The following CTNNA3 variants were observed in gnomAD, a reference collection of about 807,000 sequenced individuals.
CTNNA3 encodes the protein catenin alpha 3, also known as catenin alpha-3.
CTNNA3 carries 76 observed loss-of-function variants against 95.7 expected under a neutral mutation model. The ratio of observed to expected loss-of-function variants is 0.79; its 90% CI spans 0.66 to 0.96. CTNNA3 has a LOEUF of 0.96. CTNNA3 is among the 40% of genes least tolerant of loss of function. The probability of loss-of-function intolerance (pLI) is 0.00; values close to 1 mark genes in which losing one functional copy is unlikely to be tolerated. For missense variants in CTNNA3, 1,191 were observed against 1,089.8 expected (o/e 1.09, Z -1.31); for synonymous variants, 431 against 374.4 (o/e 1.15, Z -1.74).
At chr10:66,352,835 T>C (rs568187746) in intron 12 of CTNNA3, among the ~76,000 whole-genome samples, 2 of 152,204 alleles carry the variant, frequency 1.3e-5, no homozygotes, top group East Asian at 1.9e-4. Context: ...GGCAAAACTA[T>C]TTTTAAAAGA....
intron 3 of CTNNA3, among the ~76,000 whole-genome samples, chr10:67,562,166 G>A (rs1841538754): frequency 6.6e-6 from 1 of 152,152 alleles, no homozygotes; most frequent in Non-Finnish European, 1.5e-5. Context: ...TGATACCAGA[G>A]CCGGGCAGAG....
intron 5 of CTNNA3, among the ~76,000 whole-genome samples, chr10:67,495,464 G>C (rs1484607134): frequency 6.6e-6 from 1 of 152,174 alleles, no homozygotes; most frequent in Non-Finnish European, 1.5e-5. Flanking sequence ...GGCCATCTCA[G>C]ATCTCCCAAA....
chr10:66,410,992 G>GT (rs2093100159), intron 11 of CTNNA3, among the ~76,000 whole-genome samples: 1 of 152,172 alleles, frequency 6.6e-6, no homozygotes, highest in South Asian at 2.1e-4. Flanking sequence ...GGCATAATAT[G>GT]TAACTGGCAA....
At chr10:67,510,321 G>A (rs1435056058) in intron 5 of CTNNA3, among the ~76,000 whole-genome samples, 1 of 152,104 alleles carries the variant, frequency 6.6e-6, no homozygotes, top group African/African-American at 2.4e-5. Flanking sequence ...ATGGTTTTAG[G>A]TCTAACATTT....
intron 12 of CTNNA3, among the ~76,000 whole-genome samples, chr10:66,301,599 T>TA (rs2091864466): frequency 1.3e-5 from 2 of 151,922 alleles, no homozygotes; most frequent in African/African-American, 4.8e-5. Context: ...TAATCCATCA[T>TA]ATCATTAGGC....
chr10:66,287,254 C>T (rs917829876), intron 12 of CTNNA3, among the ~76,000 whole-genome samples: 3 of 152,062 alleles, frequency 2.0e-5, no homozygotes, highest in Non-Finnish European at 4.4e-5. Flanking sequence ...ATGATCACAC[C>T]ACTGCAGTTC....
intron 7 of CTNNA3, among the ~76,000 whole-genome samples, chr10:66,943,895 T>A: frequency 6.6e-6 from 1 of 152,230 alleles, no homozygotes; most frequent in African/African-American, 2.4e-5. Context: ...TTAAAAATAC[T>A]TTATTGCTAA....
At chr10:66,537,162 T>A (rs1277169558) in intron 10 of CTNNA3, among the ~76,000 whole-genome samples, 1 of 152,172 alleles carries the variant, frequency 6.6e-6, no homozygotes, top group African/African-American at 2.4e-5. Context: ...TTCTTCAGTT[T>A]GACAAATAGT....
chr10:66,307,986 G>A (rs1327248920), intron 12 of CTNNA3, among the ~76,000 whole-genome samples: 1 of 152,182 alleles, frequency 6.6e-6, no homozygotes, highest in Non-Finnish European at 1.5e-5. Context: ...GGTTGACAGG[G>A]TTGCCATACT....
At chr10:66,971,097 CTT>C (rs1849695066) in intron 7 of CTNNA3, among the ~76,000 whole-genome samples, 1 of 152,046 alleles carries the variant, frequency 6.6e-6, no homozygotes, top group African/African-American at 2.4e-5. Flanking sequence ...TCTATTTGGA[CTT>C]TAATTACACT....
At chr10:67,637,018 G>T (rs1303406865) in intron 2 of CTNNA3, among the ~76,000 whole-genome samples, 2 of 152,168 alleles carry the variant, frequency 1.3e-5, no homozygotes, top group African/African-American at 4.8e-5. Context: ...CATGGAGAAT[G>T]ACTTTGATGA....
At chr10:66,510,330 G>C (rs1271752971) in intron 11 of CTNNA3, among the ~76,000 whole-genome samples, 1 of 147,810 alleles carries the variant, frequency 6.8e-6, no homozygotes, top group Non-Finnish European at 1.5e-5. Flanking sequence ...AGAACATGTT[G>C]TTTGCAAAGA....
rs539275987 is a variant in CTNNA3, at chr10:67,368,752, C to T, written c.580-148882G>A. 2.6e-5 allele frequency among the ~76,000 whole-genome samples: 4 copies of T among 152,156 alleles called. No individual in the cohort carries two copies. The South Asian group carries it at 8.3e-4, about 32-fold the overall frequency. On this transcript the variant is annotated intron_variant, in intron 5 of 17. Transcript: ENST00000433211. Reference sequence around the variant, plus strand: ...AATTATGCTGAGTGAAAAAAAGCTACATAAAAAGAGCACATGTTATATAAT... The same window carrying T: ...AATTATGCTGAGTGAAAAAAAGCTATATAAAAAGAGCACATGTTATATAAT...
chr10:66,989,150 G>A (rs1040738633), intron 7 of CTNNA3, among the ~76,000 whole-genome samples: 9 of 152,022 alleles, frequency 5.9e-5, no homozygotes, highest in African/African-American at 2.2e-4. Flanking sequence ...TGAAGAATCC[G>A]ACTTGGAGTA....
rs558913767 is a variant in CTNNA3, at chr10:66,515,345, C to CTCTCTCTCTATATA, written c.1531+5271_1531+5272insTATATAGAGAGAGA. Among the ~76,000 whole-genome samples, 88 of 148,984 alleles carry CTCTCTCTCTATATA rather than the reference C, an allele frequency of 5.9e-4. 1 individual carries two copies. The highest frequency in any genetic ancestry group is 1.1e-3 in the Non-Finnish European group (73 of 67,236). On this transcript the variant is annotated intron_variant, in intron 11 of 17. Transcript: ENST00000433211. ...TCCCTCTCTGTCTCTCTCTCTCTCT[C>CTCTCTCTCTATATA]TATATATATATATAGTATTAGTATT...
chr10:67,411,227 T>C (rs1430068187), intron 5 of CTNNA3, among the ~76,000 whole-genome samples: 1 of 152,188 alleles, frequency 6.6e-6, no homozygotes, highest in East Asian at 1.9e-4. Context: ...AAATGAAAAG[T>C]ATATGAGGTC....
intron 5 of CTNNA3, among the ~76,000 whole-genome samples, chr10:67,429,370 T>C (rs117532371): frequency 6.6e-6 from 1 of 152,148 alleles, no homozygotes; most frequent in East Asian, 1.9e-4. Flanking sequence ...CAAATTACAA[T>C]TTGACTATAA....
chr10:67,068,123 T>C (rs1216560694), intron 7 of CTNNA3, among the ~76,000 whole-genome samples: 3 of 152,106 alleles, frequency 2.0e-5, no homozygotes, highest in South Asian at 2.1e-4. Flanking sequence ...GGAAACTATT[T>C]AGAGAAATAA....
intron 11 of CTNNA3, among the ~76,000 whole-genome samples, chr10:66,455,398 A>C (rs1474811940): frequency 6.6e-6 from 1 of 152,200 alleles, no homozygotes; most frequent in East Asian, 1.9e-4. Flanking sequence ...AATGGAGTGC[A>C]GCAAGGTTAT....
Sources: gnomAD v4.1 joint callset for allele counts (sites outside exome capture counted in the v4.1 genomes callset) on GRCh38, gnomAD v4.1.1 for gene constraint, MANE v1.5 for transcripts, NCBI Gene and HGNC (gene_info 2026-07-23, HGNC 2026-07-21) for gene names.